Variants in TPT1 observed in about 807,000 individuals in gnomAD.
TPT1 encodes translationally-controlled tumor protein.
Under a neutral mutation model 22.8 loss-of-function variants are expected in TPT1, and 5 were observed. The ratio of observed to expected loss-of-function variants is 0.22; its 90% confidence interval spans 0.11 to 0.46. The LOEUF is 0.46. Among genes scored for constraint, TPT1 ranks in the 20% least tolerant of loss-of-function variants. TPT1 has a pLI of 0.99. For synonymous variants in TPT1, 89 were observed against 73.6 expected (o/e 1.21, Z -1.07); for missense variants, 130 against 218.7 (o/e 0.59, Z 2.56).
chr13:45,339,763 A>G, intron 3 of TPT1, 161 bp from the exon 4 acceptor site: 1 of 771,158 alleles, frequency 1.3e-6, no homozygotes, highest in South Asian at 1.9e-5. Flanking sequence ...GAATGTTTAC[A>G]TTTCTTGTTG....
At chr13:45,340,970 G>A (rs1879084042) in intron 1 of TPT1, 72 bp downstream of exon 1, 1 of 1,563,774 alleles carries the variant, frequency 6.4e-7, no homozygotes. Flanking sequence ...CGCGACGGCT[G>A]CGCCTTCCCC....
chr13:45,340,261 A>G, intron 2 of TPT1, 77 bp from the exon 3 acceptor site: 6 of 1,487,932 alleles, frequency 4.0e-6, no homozygotes, highest in East Asian at 2.3e-5. Context: ...TAGTTCACGG[A>G]TAAGAAGTAT....
chr13:45,337,360 T>C lies in TPT1; in HGVS notation c.*26A>G, dbSNP rs1308507736. On this transcript the variant is annotated 3_prime_UTR_variant, in exon 6 of 6. Coordinates refer to ENST00000530705, the MANE Select transcript of TPT1 (RefSeq NM_003295.4). ...AGAAGCCAGTTATGATGACAGGTGA[T>C]AGATCCAAAATAATTGCCACATTTG... is the stretch of plus-strand genomic sequence containing the variant. 3 of 1,613,002 alleles carry C rather than the reference T, an allele frequency of 1.9e-6. No homozygotes were observed. Among genetic ancestry groups the C allele is most frequent in the South Asian group, 1.1e-5 (1 of 91,048 alleles).
rs769704370 is a variant in TPT1 at position 45,341,001 on chromosome 13, C to A, written c.28+41G>T. ...TCCCCGCCCCCACCCGCACCCCAGA[C>A]CCCCGTGTGCGGCAGTAAGGATAGT... On this transcript the variant is annotated intron_variant, in intron 1 of 5. Coordinates refer to ENST00000530705, the MANE Select transcript of TPT1 (RefSeq NM_003295.4). 5 of 1,601,286 alleles carry A rather than the reference C, an allele frequency of 3.1e-6. No individual in the cohort carries two copies. In the South Asian group the frequency reaches 3.4e-5, roughly 11 times the overall value.
At chr13:45,338,994 A>G in intron 4 of TPT1, 1 of 440,634 alleles carries the variant, frequency 2.3e-6, no homozygotes, top group East Asian at 3.7e-5. Context: ...GCAATCCAGG[A>G]ACACTAGGCT....
chr13:45,340,631 G>A (rs1212035504), intron 2 of TPT1, 81 bp downstream of exon 2: 3 of 1,478,442 alleles, frequency 2.0e-6, no homozygotes, highest in South Asian at 1.2e-5. Flanking sequence ...GGGGAGGATT[G>A]CACAACCTCA....
chr13:45,340,962 C>T, intron 1 of TPT1, 80 bp downstream of exon 1: 1 of 1,555,794 alleles, frequency 6.4e-7, no homozygotes. Context: ...CCTAGGCCCG[C>T]GACGGCTGCG....
Position 45,340,701 on chromosome 13 carries a change from G to T in TPT1, c.102+11C>A. ...CCCGGACTCCCCCACGCGCAGGCCC[G>T]ACCGACTCACCTTCCCCTCCACCTC... is the stretch of plus-strand genomic sequence containing the variant. On this transcript the variant is annotated intron_variant, in intron 2 of 5. Coordinates refer to ENST00000530705, the MANE Select transcript of TPT1 (RefSeq NM_003295.4). 6.5e-7 allele frequency: 1 copy of T among 1,545,784 alleles called. No individual in the cohort carries two copies. The highest frequency in any genetic ancestry group is 8.7e-7 in the Non-Finnish European group (1 of 1,145,790).
At position 45,333,731 on chromosome 13, in the gene TPT1, G is replaced by C. The variant is rs1049805710; in HGVS notation, c.*3655C>G. The C allele has an allele frequency of 6.6e-6, 1 of 152,170 alleles. No individual in the cohort carries two copies. The highest frequency in any genetic ancestry group is 2.4e-5 in the African/African-American group (1 of 41,428). The allele number at this position is 152,170 out of a possible 1,614,324, so 9.4% of individuals were successfully genotyped here. ...TGTATTGTATTTCATGCCTGCGACT[G>C]TTAGTCTCTTGAGTGCATTTTAATT... On this transcript the variant is annotated 3_prime_UTR_variant, in exon 6 of 6. Transcript: ENST00000530705.
chr13:45,339,791 A>T, intron 3 of TPT1, 189 bp from the exon 4 acceptor site: 1 of 748,126 alleles, frequency 1.3e-6, no homozygotes, highest in Non-Finnish European at 2.1e-6. Flanking sequence ...TCAAAATACT[A>T]TTCTAATTCT....
In TPT1 at chr13:45,339,251, A is replaced by C. The variant is rs922705464; in HGVS notation, c.399+246T>G. Reference sequence around the variant, plus strand: ...AGGACCAGTAGCAATGAGACACATTAAAATTGTAAGCAAAAAACTGAAAGA... The same window carrying C: ...AGGACCAGTAGCAATGAGACACATTCAAATTGTAAGCAAAAAACTGAAAGA... On this transcript the variant is annotated intron_variant, in intron 4 of 5. Coordinates refer to ENST00000530705, the MANE Select transcript of TPT1 (RefSeq NM_003295.4). 4.0e-5 allele frequency: 17 copies of C among 426,702 alleles called. No individual in the cohort carries two copies. The South Asian group carries it at 5.0e-4, about 13-fold the overall frequency. The allele number at this position is 426,702 out of a possible 1,614,324, so 26.4% of individuals were successfully genotyped here.
In TPT1 at chr13:45,333,844, A is replaced by G. The variant is rs149807990; in HGVS notation, c.*3542T>C. 9.9e-4 allele frequency: 150 copies of G among 152,248 alleles called. No individual in the cohort carries two copies. Among genetic ancestry groups the G allele is most frequent in the Middle Eastern group, 3.4e-3 (1 of 294 alleles). 9.4% of individuals were successfully genotyped at this position (152,248 alleles called of 1,614,324 possible). On this transcript the variant is annotated 3_prime_UTR_variant, in exon 6 of 6. Transcript: ENST00000530705. Reference sequence around the variant, plus strand: ...TTACTTAAGTACTTTGCAACAGGTAACCCTGTTGACTACTTCCTCCTTCCT... The same window carrying G: ...TTACTTAAGTACTTTGCAACAGGTAGCCCTGTTGACTACTTCCTCCTTCCT...
Position 45,338,781 on chromosome 13 carries a change from G to A in TPT1, c.400-5C>T. On this transcript the variant is annotated splice_region_variant and splice_polypyrimidine_tract_variant and intron_variant, in intron 4 of 5. Coordinates refer to ENST00000530705, the MANE Select transcript of TPT1 (RefSeq NM_003295.4). ...CATGTTTTCACCAATAAAGAACTTG[G>A]GAAGCAAACAAAATACCTAGAATTA... 6.3e-7 allele frequency: 1 copy of A among 1,576,178 alleles called. No individual in the cohort carries two copies. Among genetic ancestry groups the A allele is most frequent in the South Asian group, 1.2e-5 (1 of 84,776 alleles).
chr13:45,339,680 CT>C, intron 3 of TPT1, 78 bp from the exon 4 acceptor site: 1 of 1,376,246 alleles, frequency 7.3e-7, no homozygotes, highest in Non-Finnish European at 1.0e-6. Flanking sequence ...AATATCCAAG[CT>C]TAAAAAAAGA....
In TPT1 at chr13:45,335,187, G is replaced by GA. The variant is rs1205335457; in HGVS notation, c.*2198dup. The GA allele has an allele frequency of 6.6e-6, 1 of 152,118 alleles. No individual in the cohort carries two copies. Among genetic ancestry groups the GA allele is most frequent in the African/African-American group, 2.4e-5 (1 of 41,408 alleles). 9.4% of individuals were successfully genotyped at this position (152,118 alleles called of 1,614,324 possible). ...GAATAACGAGAAAAAGATATAAAAT[G>GA]AGACAGTCTTCAAAGTCTGAGAAGA... On this transcript the variant is annotated 3_prime_UTR_variant, in exon 6 of 6. Coordinates refer to ENST00000530705, the MANE Select transcript of TPT1 (RefSeq NM_003295.4).
At chr13:45,340,628 A>C in intron 2 of TPT1, 84 bp downstream of exon 2, 1 of 1,451,860 alleles carries the variant, frequency 6.9e-7, no homozygotes, top group South Asian at 1.2e-5. Flanking sequence ...GGCGGGGAGG[A>C]TTGCACAACC....
At position 45,335,007 on chromosome 13, in the gene TPT1, C is replaced by T. The variant is rs567951823; in HGVS notation, c.*2379G>A. 3 of 152,286 alleles carry T rather than the reference C, an allele frequency of 2.0e-5. No individual in the cohort carries two copies. The South Asian group carries it at 6.2e-4, about 32-fold the overall frequency. 9.4% of individuals were successfully genotyped at this position (152,286 alleles called of 1,614,324 possible). ...TTACAAGGACCTTCCTAGAAAAGTC[C>T]TCTTGCTCCACTCAGTTGTTCTCCA... On this transcript the variant is annotated 3_prime_UTR_variant, in exon 6 of 6. Coordinates refer to ENST00000530705, the MANE Select transcript of TPT1 (RefSeq NM_003295.4).
At chr13:45,340,415 G>A in intron 2 of TPT1, 1 of 768,454 alleles carries the variant, frequency 1.3e-6, no homozygotes, top group Non-Finnish European at 2.2e-6. Context: ...TTCCAGTTGC[G>A]GGCATGTGAT....
chr13:45,339,864 G>A, intron 3 of TPT1, 130 bp downstream of exon 3: 7 of 1,042,894 alleles, frequency 6.7e-6, no homozygotes, highest in Non-Finnish European at 4.1e-6. Context: ...ACTCTTTTCC[G>A]TGAACTCATT....
Sources: gnomAD v4.1 joint callset for allele counts on GRCh38, gnomAD v4.1.1 for gene constraint, MANE v1.5 for transcripts, NCBI Gene and HGNC (gene_info 2026-07-23, HGNC 2026-07-21) for gene names.